CEMIP2: variants seen among roughly 807,000 people sequenced by gnomAD.
CEMIP2 encodes cell migration inducing hyaluronidase 2.
In CEMIP2, 79 loss-of-function variants were observed where a neutral mutation model predicts 146.9. That is an observed-to-expected ratio of 0.54 (90% CI 0.45 to 0.65). The LOEUF is 0.65. Among genes scored for constraint, CEMIP2 ranks in the 30% least tolerant of loss-of-function variants. The probability of loss-of-function intolerance (pLI) is 0.00; values close to 1 mark genes in which losing one functional copy is unlikely to be tolerated. For synonymous variants in CEMIP2, 601 were observed against 606.3 expected (o/e 0.99, Z 0.13); for missense variants, 1,596 against 1,696.2 (o/e 0.94, Z 1.04).
chr9:71,735,210 CA>C (rs1823730330), intron 5 of CEMIP2, among the ~76,000 whole-genome samples: 1 of 151,962 alleles, frequency 6.6e-6, no homozygotes, highest in Admixed American at 6.6e-5. Context: ...GTGAGTGCCC[CA>C]TGTACCTCTA....
Position 71,685,160 on chromosome 9 carries a change from ATT to A in CEMIP2, c.*35_*36del. The A allele has an allele frequency of 2.0e-6, 3 of 1,518,308 alleles. No homozygotes were observed. Among genetic ancestry groups the A allele is most frequent in the East Asian group, 2.3e-5 (1 of 42,774 alleles). The allele number at this position is 1,518,308 out of a possible 1,614,324, so 94.1% of individuals were successfully genotyped here. ...CCATAAATTAAATAAGTTAGTTCACATTTTTTTTCCCCCAGCACTTAAGTTAC... is the reference window on the plus strand; with the variant it reads ...CCATAAATTAAATAAGTTAGTTCACATTTTTTCCCCCAGCACTTAAGTTAC... On this transcript the variant is annotated 3_prime_UTR_variant, in exon 24 of 24. Coordinates refer to ENST00000377044, the MANE Select transcript of CEMIP2 (RefSeq NM_013390.3).
At chr9:71,740,574 A>C (rs1823885189) in intron 4 of CEMIP2, among the ~76,000 whole-genome samples, 1 of 152,228 alleles carries the variant, frequency 6.6e-6, no homozygotes, top group Non-Finnish European at 1.5e-5. Context: ...AATGATTATC[A>C]CATGCTCTCT....
rs926630456 is a variant in CEMIP2 at position 71,765,470 on chromosome 9, C to T, written c.-13+2887G>A. 2.0e-5 allele frequency among the ~76,000 whole-genome samples: 3 copies of T among 152,098 alleles called. No individual in the cohort carries two copies. The East Asian group carries it at 5.8e-4, about 29-fold the overall frequency. On this transcript the variant is annotated intron_variant, in intron 1 of 23. Coordinates refer to ENST00000377044, the MANE Select transcript of CEMIP2 (RefSeq NM_013390.3). ...CGTGAGAAGGATTAGGGGATTTGCC[C>T]ACAGCAAATGTTTAGCAAGTGCCAA...
At position 71,689,071 on chromosome 9, in the gene CEMIP2, G is replaced by C. The variant is rs577825775; in HGVS notation, c.3851+1021C>G. Among the ~76,000 whole-genome samples, 4 of 152,302 alleles carry C rather than the reference G, an allele frequency of 2.6e-5. No homozygotes were observed. The South Asian group carries it at 8.3e-4, about 32-fold the overall frequency. Reference sequence around the variant, plus strand: ...TACCATGTTGTCCTAAATACTTGTGGTGAGATTTATGTCCTGGATTGTTTT... The same window carrying C: ...TACCATGTTGTCCTAAATACTTGTGCTGAGATTTATGTCCTGGATTGTTTT... On this transcript the variant is annotated intron_variant, in intron 22 of 23. Transcript: ENST00000377044.
chr9:71,696,635 G>T (rs1291060244), intron 20 of CEMIP2, among the ~76,000 whole-genome samples: 1 of 151,996 alleles, frequency 6.6e-6, no homozygotes, highest in Non-Finnish European at 1.5e-5. Flanking sequence ...GCCAGGTGTG[G>T]TCACATGCAC....
At chr9:71,705,716 TAATA>T (rs1822714326) in intron 17 of CEMIP2, among the ~76,000 whole-genome samples, 1 of 150,012 alleles carries the variant, frequency 6.7e-6, no homozygotes, top group African/African-American at 2.4e-5. Flanking sequence ...ACTCAATATA[TAATA>T]TATATTAATT....
chr9:71,732,310 CA>C, intron 7 of CEMIP2, 40 bp downstream of exon 7: 1 of 1,524,466 alleles, frequency 6.6e-7, no homozygotes, highest in Middle Eastern at 1.8e-4. Flanking sequence ...ATATATTTAG[CA>C]ACCAGGATTT....
intron 10 of CEMIP2, among the ~76,000 whole-genome samples, chr9:71,728,230 T>TATATGTATATA (rs1564012043): frequency 4.8e-5 from 1 of 20,662 alleles, no homozygotes; most frequent in Non-Finnish European, 1.6e-4. Flanking sequence ...TCTCTCTCTC[T>TATATGTATATA]CTATATATAT....
chr9:71,729,491 C>T (rs11791972), intron 10 of CEMIP2, among the ~76,000 whole-genome samples: 57 of 151,952 alleles, frequency 3.8e-4, no homozygotes, highest in Middle Eastern at 6.8e-3. Flanking sequence ...TGGTAGCAGG[C>T]GCCTGTGGTC....
At chr9:71,707,659 T>C (rs1004016934) in intron 17 of CEMIP2, among the ~76,000 whole-genome samples, 7 of 152,140 alleles carry the variant, frequency 4.6e-5, no homozygotes, top group Non-Finnish European at 8.8e-5. Context: ...AAAACACACC[T>C]TTGACCGGCA....
Position 71,745,388 on chromosome 9 carries a change from T to A in CEMIP2, c.664A>T (p.Ile222Phe). Reference protein sequence around the residue: ...ESMPTFGKKFIGVEAGGTLEL... With the variant: ...ESMPTFGKKFFGVEAGGTLEL... The stretch of plus-strand genomic sequence containing the variant: ...AGTGTCCCGCCAGCTTCCACACCAA[T>A]AAACTTTTTGCCAAATGTTGGCATA... Residue 222 changes from isoleucine to phenylalanine, a missense_variant, in exon 4 of 24, where the codon ATT becomes TTT. Transcript: ENST00000377044. 6.2e-7 allele frequency: 1 copy of A among 1,614,136 alleles called. No homozygotes were observed. The highest frequency in any genetic ancestry group is 1.1e-5 in the South Asian group (1 of 91,080).
At position 71,712,451 on chromosome 9, in the gene CEMIP2, A is replaced by G; in HGVS notation, c.2592-191T>C. ...AGTGGGAAAGACAAACAGAAAAACA[A>G]AGGATCATTTCAGAAAATAAGTGCT... On this transcript the variant is annotated intron_variant, in intron 15 of 23. Coordinates refer to ENST00000377044, the MANE Select transcript of CEMIP2 (RefSeq NM_013390.3). 5.1e-6 allele frequency: 3 copies of G among 582,676 alleles called. 1 individual carries two copies. The South Asian group carries it at 6.9e-5, about 13-fold the overall frequency. 36.1% of individuals were successfully genotyped at this position (582,676 alleles called of 1,614,324 possible). A position where few individuals can be genotyped will look rare whatever the true frequency, so the allele number is the denominator to read the frequency against.
intron 1 of CEMIP2, among the ~76,000 whole-genome samples, chr9:71,765,253 G>C (rs184766107): frequency 3.3e-5 from 5 of 152,264 alleles, no homozygotes; most frequent in Admixed American, 2.0e-4. Context: ...ATCTGTAGCT[G>C]AGACCTGATT....
intron 2 of CEMIP2, 57 bp downstream of exon 2, chr9:71,749,986 T>G (rs1282679909): frequency 6.8e-7 from 1 of 1,471,720 alleles, no homozygotes; most frequent in East Asian, 2.3e-5. Flanking sequence ...AGTATTCTAC[T>G]ATTTCCTCCT....
In CEMIP2 at chr9:71,730,751, T is replaced by C; in HGVS notation, c.1727A>G (p.His576Arg). The C allele has an allele frequency of 6.2e-7, 1 of 1,614,268 alleles. No homozygotes were observed. The highest frequency in any genetic ancestry group is 8.5e-7 in the Non-Finnish European group (1 of 1,180,050). The change falls in exon 8 of 24, where the codon CAC becomes CGC. Residue 576 changes from histidine to arginine, a missense_variant. Coordinates refer to ENST00000377044, the MANE Select transcript of CEMIP2 (RefSeq NM_013390.3). ...CACAGTGATGCACCTTGAGAAGCTG[T>C]GATGAATAGACAGGCCGTCCACAAA... ...ATFVDGLSIH[H>R]SFSRCITVHG...
At chr9:71,745,654 A>C in intron 3 of CEMIP2, 75 bp from the exon 4 acceptor site, 24 of 1,389,970 alleles carry the variant, frequency 1.7e-5, no homozygotes, top group Non-Finnish European at 2.3e-5. Flanking sequence ...TTTCACCTTA[A>C]GTTAAATACA....
In CEMIP2 at chr9:71,700,640, A is replaced by G; in HGVS notation, c.3377+2T>C. On this transcript the variant is annotated splice_donor_variant, in intron 19 of 23. Coordinates refer to ENST00000377044, the MANE Select transcript of CEMIP2 (RefSeq NM_013390.3). LOFTEE classifies it high-confidence loss of function. Reference sequence around the variant, plus strand: ...TCTCATTCCCTGGTTTCACTGAATTACCCCGTGCTGGAGTCAAAATAGAAT... The same window carrying G: ...TCTCATTCCCTGGTTTCACTGAATTGCCCCGTGCTGGAGTCAAAATAGAAT... The G allele has an allele frequency of 5.0e-6, 8 of 1,585,734 alleles. No homozygotes were observed. Among genetic ancestry groups the G allele is most frequent in the Non-Finnish European group, 6.8e-6 (8 of 1,168,414 alleles).
rs1823120093 is a variant in CEMIP2 at position 71,718,064 on chromosome 9, C to A, written c.2283G>T (p.Gln761His). The A allele has an allele frequency of 1.2e-6, 2 of 1,608,990 alleles. No homozygotes were observed. The highest frequency in any genetic ancestry group is 1.7e-6 in the Non-Finnish European group (2 of 1,177,514). ...LDNSARFRPH[Q>H]DANPEKPRVA... ...CACGTGGTTTTTCGGGGTTTGCATC[C>A]TGATGAGGTCGAAATCTAGGGGTTA... is the stretch of plus-strand genomic sequence containing the variant. Residue 761 changes from glutamine to histidine, a missense_variant, in exon 13 of 24, where the codon CAG becomes CAT. Coordinates refer to ENST00000377044, the MANE Select transcript of CEMIP2 (RefSeq NM_013390.3).
chr9:71,728,258 CACGTATATATATATATATATAT>C (rs1564012272), intron 10 of CEMIP2, among the ~76,000 whole-genome samples: 3 of 7,720 alleles, frequency 3.9e-4, no homozygotes, highest in Admixed American at 1.9e-3. Context: ...TATGTATATA[CACGTATATATATATATATATAT>C]GTATATATAT....
Sources: allele counts gnomAD v4.1 joint callset (sites outside exome capture counted in the v4.1 genomes callset), GRCh38; gene constraint gnomAD v4.1.1; transcripts MANE v1.5; gene names NCBI Gene and HGNC (gene_info 2026-07-23, HGNC 2026-07-21).